Variants in RNF6 observed in about 807,000 individuals in gnomAD.
RNF6 encodes E3 ubiquitin-protein ligase RNF6.
RNF6 carries 21 observed loss-of-function variants against 50.1 expected under a neutral mutation model. The observed-to-expected ratio is 0.42, with a 90% CI of 0.30 to 0.60. The LOEUF is 0.60. RNF6 is among the 20% of genes least tolerant of loss of function. The pLI is 0.20. For missense variants in RNF6, 698 were observed against 838.2 expected (o/e 0.83, Z 2.07); for synonymous variants, 255 against 291.8 (o/e 0.87, Z 1.29).
At chr13:26,211,530 G>A (rs997125317), downstream of RNF6, among the ~76,000 whole-genome samples, 3 of 152,116 alleles carry the variant, frequency 2.0e-5, no homozygotes, top group Non-Finnish European at 4.4e-5. Flanking sequence ...AGGCCAAGGT[G>A]GGCGGATCAT....
intron 5 of RNF6, among the ~76,000 whole-genome samples, chr13:26,192,593 A>T (rs1022822679): frequency 6.6e-6 from 1 of 152,220 alleles, no homozygotes; most frequent in African/African-American, 2.4e-5. Flanking sequence ...TACATCTGTC[A>T]TACTAGCAGA....
intron 5 of RNF6, among the ~76,000 whole-genome samples, chr13:26,162,681 T>C (rs1412195539): frequency 6.6e-6 from 1 of 152,244 alleles, no homozygotes; most frequent in Non-Finnish European, 1.5e-5. Flanking sequence ...TATTTTTAAT[T>C]TGTCTTAGAA....
At chr13:26,189,395 A>T (rs995206290) in intron 5 of RNF6, among the ~76,000 whole-genome samples, 3 of 152,216 alleles carry the variant, frequency 2.0e-5, no homozygotes, top group Non-Finnish European at 4.4e-5. Context: ...AATTACTCTA[A>T]ATCAAATAAC....
intron 5 of RNF6, among the ~76,000 whole-genome samples, chr13:26,184,152 C>T (rs1873401378): frequency 6.7e-6 from 1 of 150,090 alleles, no homozygotes; most frequent in South Asian, 2.1e-4. Context: ...CTCAGCCTCC[C>T]GAGTAGCTGG....
intron 5 of RNF6, among the ~76,000 whole-genome samples, chr13:26,179,020 G>C (rs932849476): frequency 6.6e-6 from 1 of 152,188 alleles, no homozygotes; most frequent in Non-Finnish European, 1.5e-5. Flanking sequence ...AAGCAGAAAT[G>C]CTGTGCACTG....
At chr13:26,216,126 A>G (rs563021340) in intron 4 of RNF6, among the ~76,000 whole-genome samples, 2 of 152,378 alleles carry the variant, frequency 1.3e-5, no homozygotes, top group Non-Finnish European at 2.9e-5. Context: ...GTTTCTGAAT[A>G]TAACATTAAA....
At chr13:26,219,100 A>G (rs201873623) in intron 3 of RNF6, among the ~76,000 whole-genome samples, 1 of 152,158 alleles carries the variant, frequency 6.6e-6, no homozygotes, top group East Asian at 1.9e-4. Flanking sequence ...ATTCAGCTGA[A>G]TAAATAAATT....
chr13:26,202,033 GC>G (rs1039491663), intron 5 of RNF6, among the ~76,000 whole-genome samples: 1 of 152,120 alleles, frequency 6.6e-6, no homozygotes, highest in African/African-American at 2.4e-5. Context: ...GTGCCACTAG[GC>G]CCTTATTCTG....
intron 5 of RNF6, among the ~76,000 whole-genome samples, chr13:26,148,931 G>C (rs1871409957): frequency 1.3e-5 from 2 of 151,634 alleles, no homozygotes; most frequent in South Asian, 4.2e-4. Flanking sequence ...GCATGCAGGA[G>C]GAATTCTCTC....
chr13:26,170,333 T>A (rs1188515091), intron 5 of RNF6, among the ~76,000 whole-genome samples: 2 of 152,096 alleles, frequency 1.3e-5, no homozygotes, highest in African/African-American at 4.8e-5. Context: ...GGTGAAGAAT[T>A]CAAAAGCACT....
intron 5 of RNF6, among the ~76,000 whole-genome samples, chr13:26,138,126 T>G (rs1186081192): frequency 6.6e-6 from 1 of 152,156 alleles, no homozygotes; most frequent in East Asian, 1.9e-4. Flanking sequence ...TAATCACATC[T>G]AAGTTACACT....
At chr13:26,188,323 C>T (rs1019161755) in intron 5 of RNF6, among the ~76,000 whole-genome samples, 6 of 152,144 alleles carry the variant, frequency 3.9e-5, no homozygotes, top group African/African-American at 4.8e-5. Context: ...CATCCTCCAC[C>T]CCACTTGTGA....
intron 5 of RNF6, among the ~76,000 whole-genome samples, chr13:26,137,179 C>T (rs1357805764): frequency 1.3e-5 from 2 of 152,160 alleles, no homozygotes; most frequent in African/African-American, 4.8e-5. Flanking sequence ...TTACCCAGTG[C>T]TCAAAGCCTC....
chr13:26,150,841 C>T (rs1470908203), intron 5 of RNF6: 1 of 152,078 alleles, frequency 6.6e-6, no homozygotes, highest in African/African-American at 2.4e-5. Context: ...TGCCTGAAAT[C>T]GTAAGAAAAA....
chr13:26,148,906 C>G (rs1206628880), intron 5 of RNF6, among the ~76,000 whole-genome samples: 1 of 151,344 alleles, frequency 6.6e-6, no homozygotes, highest in African/African-American at 2.4e-5. Context: ...AGCCAATGTC[C>G]CAGTTTGAAG....
chr13:26,208,607 C>CT (rs1379678289), downstream of RNF6, among the ~76,000 whole-genome samples: 1 of 152,124 alleles, frequency 6.6e-6, no homozygotes, highest in Non-Finnish European at 1.5e-5. Context: ...TAGTGAATCA[C>CT]TAAATTTGGA....
At chr13:26,153,222 A>AT (rs1354904941) in intron 5 of RNF6, among the ~76,000 whole-genome samples, 6 of 143,588 alleles carry the variant, frequency 4.2e-5, no homozygotes, top group Non-Finnish European at 7.4e-5. Context: ...TATTTTATGT[A>AT]TTTTTTTCCA....
intron 5 of RNF6, among the ~76,000 whole-genome samples, chr13:26,184,124 T>G (rs1393558768): frequency 4.0e-5 from 6 of 148,210 alleles, no homozygotes; most frequent in Non-Finnish European, 8.9e-5. Context: ...TCTCCTTAGG[T>G]TCACGCCATT....
intron 5 of RNF6, among the ~76,000 whole-genome samples, chr13:26,160,475 C>T (rs1593157053): frequency 6.6e-6 from 1 of 151,794 alleles, no homozygotes; most frequent in African/African-American, 2.4e-5. Flanking sequence ...TCTCCCACCT[C>T]AGCCTCCCAA....
Sources: gnomAD v4.1 joint callset for allele counts (sites outside exome capture counted in the v4.1 genomes callset) on GRCh38, gnomAD v4.1.1 for gene constraint, MANE v1.5 for transcripts, NCBI Gene and HGNC (gene_info 2026-07-23, HGNC 2026-07-21) for gene names.